RNF7: variants seen among roughly 807,000 people sequenced by gnomAD.
RNF7 encodes the protein RING-box protein 2.
RNF7 carries 9 observed loss-of-function variants against 17.0 expected under a neutral mutation model. The ratio of observed to expected loss-of-function variants is 0.53; its 90% confidence interval spans 0.32 to 0.92. RNF7 has a LOEUF of 0.92. Ranked by LOEUF, RNF7 falls within the 40% of genes least tolerant of loss-of-function variation. The pLI is 0.04. For synonymous variants in RNF7, 59 were observed against 50.5 expected (o/e 1.17, Z -0.72); for missense variants, 87 against 145.8 (o/e 0.60, Z 2.08).
intron 1 of RNF7, chr3:141,742,809 G>A (rs1241691956): frequency 3.3e-6 from 4 of 1,206,866 alleles, no homozygotes; most frequent in Non-Finnish European, 3.1e-6. Flanking sequence ...CCTATTGGAA[G>A]CATACAAAGC....
intron 1 of RNF7, among the ~76,000 whole-genome samples, chr3:141,741,592 TC>T (rs879630314): frequency 6.6e-6 from 1 of 152,256 alleles, no homozygotes; most frequent in Non-Finnish European, 1.5e-5. Context: ...GGTTCAAACT[TC>T]CTTTTACCCA....
intron 1 of RNF7, among the ~76,000 whole-genome samples, chr3:141,741,908 ATAAAG>A (rs1399654976): frequency 3.9e-5 from 6 of 152,210 alleles, no homozygotes; most frequent in Non-Finnish European, 7.3e-5. Context: ...GAAACCAGTA[ATAAAG>A]TAATTTATTA....
In RNF7 at chr3:141,746,724, T is replaced by C. The variant is rs1324758751; in HGVS notation, c.*1447T>C. 1 of 152,212 alleles carries C rather than the reference T, an allele frequency of 6.6e-6. No homozygotes were observed. Among genetic ancestry groups the C allele is most frequent in the Non-Finnish European group, 1.5e-5 (1 of 68,038 alleles). The allele number at this position is 152,212 out of a possible 1,614,324, so 9.4% of individuals were successfully genotyped here. On this transcript the variant is annotated 3_prime_UTR_variant, in exon 3 of 3. Coordinates refer to ENST00000273480, the MANE Select transcript of RNF7 (RefSeq NM_014245.5). Reference sequence around the variant, plus strand: ...GATGCAGTGTGCCATTCTGAATTTTTCAATCTAAGGGATGTGGATACATAG... The same window carrying C: ...GATGCAGTGTGCCATTCTGAATTTTCCAATCTAAGGGATGTGGATACATAG...
intron 2 of RNF7, among the ~76,000 whole-genome samples, chr3:141,744,190 C>T (rs1018392326): frequency 3.9e-5 from 6 of 152,062 alleles, no homozygotes; most frequent in Non-Finnish European, 7.4e-5. Flanking sequence ...GCATGGTGTA[C>T]GTAGAACACA....
intron 2 of RNF7, among the ~76,000 whole-genome samples, chr3:141,744,182 A>G (rs1233719444): frequency 6.6e-6 from 1 of 152,192 alleles, no homozygotes; most frequent in African/African-American, 2.4e-5. Flanking sequence ...TTGTGTTTGC[A>G]TGGTGTACGT....
At position 141,745,066 on chromosome 3, in the gene RNF7, GATT is replaced by G. The variant is rs2084458025; in HGVS notation, c.224-86_224-84del. The stretch of plus-strand genomic sequence containing the variant: ...TGGCCAATTAACTATCTTTTTTCAA[GATT>G]ATTATTTGTAATATAAAATAAGCTA... On this transcript the variant is annotated intron_variant, in intron 2 of 2. Transcript: ENST00000273480. The G allele has an allele frequency of 7.9e-6, 6 of 760,504 alleles. No individual in the cohort carries two copies. In the South Asian group the frequency reaches 9.6e-5, roughly 12 times the overall value. 47.1% of individuals were successfully genotyped at this position (760,504 alleles called of 1,614,324 possible). A position where few individuals can be genotyped will look rare whatever the true frequency, so the allele number is the denominator to read the frequency against.
rs2084460564 is a variant in RNF7, at chr3:141,745,332, A to G, written c.*55A>G. 8.5e-7 allele frequency: 1 copy of G among 1,177,548 alleles called. No homozygotes were observed. Among genetic ancestry groups the G allele is most frequent in the Non-Finnish European group, 1.3e-6 (1 of 790,026 alleles). The allele number at this position is 1,177,548 out of a possible 1,614,324, so 72.9% of individuals were successfully genotyped here. The stretch of plus-strand genomic sequence containing the variant: ...GTTCAGAGCCCTGGTGGATCTTGTA[A>G]TCCAGTGCCCTACAAAGGCTAGAAC... On this transcript the variant is annotated 3_prime_UTR_variant, in exon 3 of 3. Coordinates refer to ENST00000273480, the MANE Select transcript of RNF7 (RefSeq NM_014245.5).
intron 1 of RNF7, chr3:141,742,721 T>C: frequency 7.9e-7 from 1 of 1,258,296 alleles, no homozygotes; most frequent in Non-Finnish European, 1.0e-6. Flanking sequence ...TGACTGTAGA[T>C]CTGGCTCCAC....
chr3:141,740,067 A>G (rs968501349), intron 1 of RNF7, among the ~76,000 whole-genome samples: 5 of 152,276 alleles, frequency 3.3e-5, no homozygotes, highest in South Asian at 2.1e-4. Flanking sequence ...ATGAGGCTTT[A>G]AAAGTATCTA....
chr3:141,740,367 T>C (rs904265833), intron 1 of RNF7, among the ~76,000 whole-genome samples: 1 of 152,154 alleles, frequency 6.6e-6, no homozygotes, highest in African/African-American at 2.4e-5. Context: ...TAAGTGGAAA[T>C]GTATAACCTG....
chr3:141,739,146 G>C (rs971815356), intron 1 of RNF7, among the ~76,000 whole-genome samples: 1 of 152,222 alleles, frequency 6.6e-6, no homozygotes, highest in African/African-American at 2.4e-5. Context: ...CACTAGCGTG[G>C]CTTGAAGGGA....
chr3:141,740,661 A>G (rs1477281471), intron 1 of RNF7, among the ~76,000 whole-genome samples: 1 of 152,198 alleles, frequency 6.6e-6, no homozygotes, highest in Non-Finnish European at 1.5e-5. Flanking sequence ...TCCTTACCCT[A>G]GCATCATTCT....
At chr3:141,739,872 A>T (rs777780636) in intron 1 of RNF7, among the ~76,000 whole-genome samples, 4 of 152,090 alleles carry the variant, frequency 2.6e-5, no homozygotes, top group Non-Finnish European at 5.9e-5. Flanking sequence ...TACAATTAAA[A>T]ATTAAAATAA....
At chr3:141,744,832 A>G (rs1258065399) in intron 2 of RNF7, among the ~76,000 whole-genome samples, 2 of 152,244 alleles carry the variant, frequency 1.3e-5, no homozygotes, top group South Asian at 2.1e-4. Flanking sequence ...AGGTCAGTGC[A>G]TGACTGAGAA....
At chr3:141,740,239 G>A (rs1428599423) in intron 1 of RNF7, among the ~76,000 whole-genome samples, 3 of 150,116 alleles carry the variant, frequency 2.0e-5, no homozygotes, top group Admixed American at 2.0e-4. Flanking sequence ...TAGTTTAAAG[G>A]AAACTAAGCT....
intron 1 of RNF7, among the ~76,000 whole-genome samples, chr3:141,742,453 C>G (rs541622260): frequency 6.6e-6 from 1 of 151,908 alleles, no homozygotes; most frequent in Non-Finnish European, 1.5e-5. Context: ...GTCTCCATCT[C>G]CTGACCTCGT....
At position 141,747,388 on chromosome 3, in the gene RNF7, CAAGTTA is replaced by C. The variant is rs2107861725; in HGVS notation, c.*2112_*2117del. 6.6e-6 allele frequency: 1 copy of C among 151,662 alleles called. No individual in the cohort carries two copies. The highest frequency in any genetic ancestry group is 1.9e-4 in the East Asian group (1 of 5,170). The allele number at this position is 151,662 out of a possible 1,614,324, so 9.4% of individuals were successfully genotyped here. On this transcript the variant is annotated 3_prime_UTR_variant, in exon 3 of 3. Coordinates refer to ENST00000273480, the MANE Select transcript of RNF7 (RefSeq NM_014245.5). ...ATTTTACTGTTGCATTAGAAACAAA[CAAGTTA>C]TCTTTCGCTATTTAATTTTCCCTCT... is the stretch of plus-strand genomic sequence containing the variant.
At position 141,746,809 on chromosome 3, in the gene RNF7, G is replaced by T. The variant is rs534114848; in HGVS notation, c.*1532G>T. 2.6e-5 allele frequency: 4 copies of T among 152,094 alleles called. No individual in the cohort carries two copies. The East Asian group carries it at 5.8e-4, about 22-fold the overall frequency. The allele number at this position is 152,094 out of a possible 1,614,324, so 9.4% of individuals were successfully genotyped here. ...TAAAATTATGTATGCTTTTATATGGGTTACTTTTTATTGATCACATTTCTC... is the reference window on the plus strand; with the variant it reads ...TAAAATTATGTATGCTTTTATATGGTTTACTTTTTATTGATCACATTTCTC... On this transcript the variant is annotated 3_prime_UTR_variant, in exon 3 of 3. Transcript: ENST00000273480.
intron 1 of RNF7, chr3:141,742,536 T>G (rs2084431196): frequency 1.1e-6 from 1 of 947,482 alleles, no homozygotes; most frequent in Middle Eastern, 4.4e-4. Flanking sequence ...AAAACCTTAG[T>G]GTTTAGGGAT....
Sources: allele counts gnomAD v4.1 joint callset (sites outside exome capture counted in the v4.1 genomes callset), GRCh38; gene constraint gnomAD v4.1.1; transcripts MANE v1.5; gene names NCBI Gene and HGNC (gene_info 2026-07-23, HGNC 2026-07-21).